Variants in PTPRG observed in about 807,000 individuals in gnomAD.
The protein encoded by PTPRG is protein tyrosine phosphatase receptor type G, also known as receptor-type tyrosine-protein phosphatase gamma.
Under a neutral mutation model 165.3 loss-of-function variants are expected in PTPRG, and 102 were observed. The ratio of observed to expected loss-of-function variants is 0.62; its 90% CI spans 0.53 to 0.73. The LOEUF (loss-of-function observed/expected upper bound fraction) is 0.73. Ranked by LOEUF, PTPRG falls within the 30% of genes least tolerant of loss-of-function variation. PTPRG has a pLI of 0.00. For synonymous variants in PTPRG, 675 were observed against 669.5 expected (o/e 1.01, Z -0.13); for missense variants, 1,866 against 1,861.4 (o/e 1.00, Z -0.05).
chr3:62,074,714 A>C (rs1701327628), intron 4 of PTPRG, among the ~76,000 whole-genome samples: 1 of 152,168 alleles, frequency 6.6e-6, no homozygotes, highest in Non-Finnish European at 1.5e-5. Flanking sequence ...AGCATCACTT[A>C]GATTAACATT....
chr3:62,091,497 G>T (rs1701928927), intron 5 of PTPRG, among the ~76,000 whole-genome samples: 1 of 152,140 alleles, frequency 6.6e-6, no homozygotes, highest in African/African-American at 2.4e-5. Context: ...CCAGATGGTG[G>T]TGAGGCCATT....
chr3:62,126,052 A>G (rs1168204026), intron 5 of PTPRG, among the ~76,000 whole-genome samples: 1 of 152,188 alleles, frequency 6.6e-6, no homozygotes, highest in Non-Finnish European at 1.5e-5. Context: ...GAGAATCCAA[A>G]GTTTGATCCT....
intron 8 of PTPRG, among the ~76,000 whole-genome samples, chr3:62,173,694 C>T (rs933432226): frequency 6.6e-6 from 1 of 152,196 alleles, no homozygotes; most frequent in African/African-American, 2.4e-5. Flanking sequence ...TCATCTTTCA[C>T]ATCAGAGGGG....
intron 3 of PTPRG, among the ~76,000 whole-genome samples, chr3:61,993,248 G>GT (rs1277634824): frequency 2.0e-5 from 3 of 150,540 alleles, no homozygotes. Flanking sequence ...ATGGAGTTTT[G>GT]ATCTTGTTGC....
intron 2 of PTPRG, among the ~76,000 whole-genome samples, chr3:61,965,612 CTCATTCAT>C (rs141104812): frequency 0.22 from 34,120 of 151,738 alleles, 4,235 homozygotes; most frequent in African/African-American, 0.32. Context: ...TTTGGGTATG[CTCATTCAT>C]TCATTCATTC....
At chr3:61,652,644 C>G (rs1052578162) in intron 1 of PTPRG, among the ~76,000 whole-genome samples, 2 of 152,102 alleles carry the variant, frequency 1.3e-5, no homozygotes, top group African/African-American at 4.8e-5. Flanking sequence ...AAGATACATC[C>G]TCAGGCTCTT....
chr3:61,886,912 C>CT (rs780604752), intron 2 of PTPRG, among the ~76,000 whole-genome samples: 154 of 138,474 alleles, frequency 1.1e-3, no homozygotes, highest in East Asian at 1.7e-3. Context: ...GAGGACTGGA[C>CT]TTTTTTTTTT....
chr3:62,193,568 T>G (rs1481703901), intron 9 of PTPRG, among the ~76,000 whole-genome samples: 2 of 152,192 alleles, frequency 1.3e-5, no homozygotes, highest in Non-Finnish European at 2.9e-5. Flanking sequence ...TACATATCAT[T>G]TGAGCAGCAT....
intron 2 of PTPRG, among the ~76,000 whole-genome samples, chr3:61,883,794 C>G (rs1306661073): frequency 6.6e-6 from 1 of 152,072 alleles, no homozygotes; most frequent in Non-Finnish European, 1.5e-5. Flanking sequence ...CACTGTAGCC[C>G]CTACCTCTCA....
intron 2 of PTPRG, among the ~76,000 whole-genome samples, chr3:61,849,166 GGAGT>G (rs2036889798): frequency 1.3e-5 from 2 of 152,052 alleles, no homozygotes; most frequent in African/African-American, 4.8e-5. Flanking sequence ...AGACTTCTGT[GGAGT>G]CATTTTTGGA....
chr3:62,036,259 C>T (rs2107792648), intron 4 of PTPRG, among the ~76,000 whole-genome samples: 1 of 152,192 alleles, frequency 6.6e-6, no homozygotes, highest in East Asian at 1.9e-4. Flanking sequence ...GGAGGTGACT[C>T]TGGTTTGGAA....
rs560534125 is a variant in PTPRG, at chr3:62,181,757, A to T, written c.1034-9712A>T. Among the ~76,000 whole-genome samples the T allele has an allele frequency of 3.3e-5, 5 of 152,286 alleles. No individual in the cohort carries two copies. The East Asian group carries it at 7.7e-4, about 24-fold the overall frequency. On this transcript the variant is annotated intron_variant, in intron 8 of 29. Coordinates refer to ENST00000474889, the MANE Select transcript of PTPRG (RefSeq NM_002841.4). ...CTCAGATATTTTCGAAATATCTTTAAAATTGTACTAACTTACCTGCTTCTT... is the reference window on the plus strand; with the variant it reads ...CTCAGATATTTTCGAAATATCTTTATAATTGTACTAACTTACCTGCTTCTT...
chr3:61,751,382 A>T, intron 2 of PTPRG, among the ~76,000 whole-genome samples: 1 of 152,208 alleles, frequency 6.6e-6, no homozygotes, highest in East Asian at 1.9e-4. Flanking sequence ...CTCATTTTTT[A>T]TGAGGGAAGT....
rs1244008957 is a variant in PTPRG at position 62,174,245 on chromosome 3, A to G, written c.1033+6082A>G. ...CTTTCCTTCCAACAACATGAAACAT[A>G]TGGTTTATTAATTTAACCAAACCTG... On this transcript the variant is annotated intron_variant, in intron 8 of 29. Transcript: ENST00000474889. Among the ~76,000 whole-genome samples the G allele has an allele frequency of 3.9e-5, 6 of 152,352 alleles. No homozygotes were observed. In the East Asian group the frequency reaches 1.2e-3, roughly 29 times the overall value.
chr3:61,958,116 CTTCTT>C (rs2040073859), intron 2 of PTPRG, among the ~76,000 whole-genome samples: 2 of 151,876 alleles, frequency 1.3e-5, no homozygotes, highest in South Asian at 4.1e-4. Flanking sequence ...AAGGACTTTT[CTTCTT>C]TTTTTTCTTT....
chr3:62,062,336 G>A (rs906190120), intron 4 of PTPRG, among the ~76,000 whole-genome samples: 8 of 152,156 alleles, frequency 5.3e-5, no homozygotes, highest in Non-Finnish European at 8.8e-5. Flanking sequence ...TGGATAGCAG[G>A]ATGAACTGTT....
chr3:61,890,419 T>A (rs1429089262), intron 2 of PTPRG, among the ~76,000 whole-genome samples: 2 of 82,764 alleles, frequency 2.4e-5, no homozygotes, highest in Non-Finnish European at 5.1e-5. Flanking sequence ...TTTGTTTTTT[T>A]TTTGTTTTTT....
At chr3:61,734,534 G>A (rs1284902124) in intron 1 of PTPRG, among the ~76,000 whole-genome samples, 2 of 152,086 alleles carry the variant, frequency 1.3e-5, no homozygotes, top group African/African-American at 4.8e-5. Context: ...TGTGATCTGC[G>A]GTTCTTTGGC....
At chr3:62,034,366 C>A (rs2107789214) in intron 4 of PTPRG, among the ~76,000 whole-genome samples, 1 of 152,336 alleles carries the variant, frequency 6.6e-6, no homozygotes, top group Middle Eastern at 3.4e-3. Context: ...TCATACACAT[C>A]ATGTCAGGAA....
Sources: gnomAD v4.1 joint callset for allele counts (sites outside exome capture counted in the v4.1 genomes callset) on GRCh38, gnomAD v4.1.1 for gene constraint, MANE v1.5 for transcripts, NCBI Gene and HGNC (gene_info 2026-07-23, HGNC 2026-07-21) for gene names.